Variants in AXDND1 observed in about 807,000 individuals in gnomAD.
The protein encoded by AXDND1 is axonemal dynein light chain domain-containing protein 1.
In AXDND1, 110 loss-of-function variants were observed where a neutral mutation model predicts 137.5. The observed-to-expected ratio is 0.80, with a 90% confidence interval of 0.69 to 0.94. The LOEUF is 0.94. Among genes scored for constraint, AXDND1 ranks in the 40% least tolerant of loss-of-function variants. The probability of loss-of-function intolerance (pLI) is 0.00; values close to 1 mark genes in which losing one functional copy is unlikely to be tolerated. For missense variants in AXDND1, 1,191 were observed against 1,169.8 expected (o/e 1.02, Z -0.26); for synonymous variants, 414 against 399.7 (o/e 1.04, Z -0.43).
At chr1:179,463,904 G>C (rs1204850051) in intron 16 of AXDND1, among the ~76,000 whole-genome samples, 1 of 152,036 alleles carries the variant, frequency 6.6e-6, no homozygotes, top group African/African-American at 2.4e-5. Flanking sequence ...GATCTTTGTT[G>C]GTTTAAAGTC....
chr1:179,535,068 T>A (rs1417156513), intron 25 of AXDND1, 106 bp downstream of exon 25: 1 of 1,476,742 alleles, frequency 6.8e-7, no homozygotes, highest in Admixed American at 1.8e-5. Context: ...GGTGCTAATC[T>A]ACTAGTTTAT....
At chr1:179,548,337 T>G (rs146541272) in intron 25 of AXDND1, among the ~76,000 whole-genome samples, 1 of 152,340 alleles carries the variant, frequency 6.6e-6, no homozygotes, top group East Asian at 1.9e-4. Context: ...CACAACTCTG[T>G]GAGGTGGATC....
At chr1:179,376,543 A>G (rs1015527005) in intron 4 of AXDND1, among the ~76,000 whole-genome samples, 7 of 152,146 alleles carry the variant, frequency 4.6e-5, no homozygotes, top group African/African-American at 1.4e-4. Flanking sequence ...ACCTATGCAT[A>G]TGCTGTTCTC....
At chr1:179,386,338 G>A (rs1012363924) in intron 9 of AXDND1, among the ~76,000 whole-genome samples, 6 of 151,988 alleles carry the variant, frequency 3.9e-5, no homozygotes, top group Admixed American at 3.3e-4. Context: ...GTGAGCCACC[G>A]AGCCCAGCCT....
chr1:179,448,495 AT>A (rs774652662), intron 16 of AXDND1: 40 of 393,072 alleles, frequency 1.0e-4, no homozygotes, highest in Non-Finnish European at 1.7e-4. Flanking sequence ...ATAAAAGTTA[AT>A]TTTCTTCAAT....
chr1:179,400,316 T>C (rs774952456), intron 11 of AXDND1, among the ~76,000 whole-genome samples: 4 of 152,098 alleles, frequency 2.6e-5, no homozygotes, highest in Admixed American at 6.6e-5. Flanking sequence ...CTAAGTGAAG[T>C]AACTCAGGAG....
intron 11 of AXDND1, among the ~76,000 whole-genome samples, chr1:179,400,118 C>G (rs1388539637): frequency 6.6e-6 from 1 of 152,184 alleles, no homozygotes; most frequent in Non-Finnish European, 1.5e-5. Context: ...AAGATACTTG[C>G]ATGGGCATGT....
At chr1:179,457,354 CT>C (rs1171497823) in intron 16 of AXDND1, 2 of 507,546 alleles carry the variant, frequency 3.9e-6, no homozygotes, top group African/African-American at 3.8e-5. Flanking sequence ...AGAAGAGAGA[CT>C]TTAATGATGC....
intron 16 of AXDND1, among the ~76,000 whole-genome samples, chr1:179,466,885 C>G (rs1663274878): frequency 6.6e-6 from 1 of 152,126 alleles, no homozygotes. Flanking sequence ...CAAGCAGGGA[C>G]TGAGCTGAAA....
intron 17 of AXDND1, among the ~76,000 whole-genome samples, chr1:179,473,935 T>G (rs1009389466): frequency 6.6e-6 from 1 of 152,118 alleles, no homozygotes; most frequent in Non-Finnish European, 1.5e-5. Flanking sequence ...ATAAGTTACC[T>G]AGTCTTGGCT....
chr1:179,410,129 A>G (rs1308081447), intron 11 of AXDND1, among the ~76,000 whole-genome samples: 3 of 152,214 alleles, frequency 2.0e-5, no homozygotes, highest in Non-Finnish European at 4.4e-5. Context: ...CTCTAAGACT[A>G]GAAGAATTCT....
chr1:179,385,580 G>T (rs1157767677), intron 9 of AXDND1, among the ~76,000 whole-genome samples: 2 of 152,102 alleles, frequency 1.3e-5, no homozygotes, highest in African/African-American at 4.8e-5. Flanking sequence ...AGTGAGACCT[G>T]ATGCAGATCA....
rs1668261879 is a variant in AXDND1 at position 179,503,787 on chromosome 1, A to G, written c.2389-5509A>G. On this transcript the variant is annotated intron_variant, in intron 20 of 25. Coordinates refer to ENST00000367618, the MANE Select transcript of AXDND1 (RefSeq NM_144696.6). Reference sequence around the variant, plus strand: ...TGTTCTCATTGTTCAATTCCCACCTATGATTGAGAACACGCGGTGTTTGCT... The same window carrying G: ...TGTTCTCATTGTTCAATTCCCACCTGTGATTGAGAACACGCGGTGTTTGCT... Among the ~76,000 whole-genome samples the G allele has an allele frequency of 2.6e-5, 4 of 151,940 alleles. No homozygotes were observed. The South Asian group carries it at 8.3e-4, about 32-fold the overall frequency.
At chr1:179,541,123 G>A (rs2125727699) in intron 25 of AXDND1, among the ~76,000 whole-genome samples, 1 of 152,342 alleles carries the variant, frequency 6.6e-6, no homozygotes, top group African/African-American at 2.4e-5. Flanking sequence ...CGTGGGTGGG[G>A]GACCCGCTGA....
intron 25 of AXDND1, among the ~76,000 whole-genome samples, chr1:179,535,676 A>G (rs1572201117): frequency 6.6e-6 from 1 of 152,208 alleles, no homozygotes; most frequent in Non-Finnish European, 1.5e-5. Context: ...TAGTGCTGCA[A>G]TAAACATACG....
chr1:179,408,383 CT>C (rs998752586), intron 11 of AXDND1, among the ~76,000 whole-genome samples: 193 of 144,410 alleles, frequency 1.3e-3, no homozygotes, highest in African/African-American at 2.1e-3. Flanking sequence ...ATGAAAAATT[CT>C]TTTTTTTTTT....
At chr1:179,525,166 C>T (rs542939741) in intron 21 of AXDND1, among the ~76,000 whole-genome samples, 168 bp from the exon 22 acceptor site, 34 of 152,290 alleles carry the variant, frequency 2.2e-4, no homozygotes, top group East Asian at 9.6e-4. Flanking sequence ...TTTTCTTGTC[C>T]GTGAAATTAA....
At chr1:179,551,451 T>A (rs1673266378) in intron 25 of AXDND1, 3 of 1,612,934 alleles carry the variant, frequency 1.9e-6, no homozygotes, top group East Asian at 2.2e-5. Context: ...GCAGCAATCA[T>A]CTAGAAAACA....
chr1:179,422,341 A>G (rs1297564618), intron 12 of AXDND1, among the ~76,000 whole-genome samples: 2 of 148,700 alleles, frequency 1.3e-5, no homozygotes, highest in Non-Finnish European at 3.0e-5. Flanking sequence ...TTACATTTTC[A>G]TTTATTTCAA....
Sources: gnomAD v4.1 joint callset for allele counts (sites outside exome capture counted in the v4.1 genomes callset) on GRCh38, gnomAD v4.1.1 for gene constraint, MANE v1.5 for transcripts, NCBI Gene and HGNC (gene_info 2026-07-23, HGNC 2026-07-21) for gene names.